TNKS1BP1: variants seen among roughly 807,000 people sequenced by gnomAD.
TNKS1BP1 encodes the protein CCR4-NOT transcription complex subunit 12, also known as 182 kDa tankyrase-1-binding protein.
Under a neutral mutation model 141.1 loss-of-function variants are expected in TNKS1BP1, and 48 were observed. The ratio of observed to expected loss-of-function variants is 0.34; its 90% CI spans 0.27 to 0.43. TNKS1BP1 has a LOEUF of 0.43. TNKS1BP1 is among the 20% of genes least tolerant of loss of function. TNKS1BP1 has a pLI of 1.00. For missense variants in TNKS1BP1, 2,149 were observed against 2,226.0 expected, an observed-to-expected ratio of 0.97 and a Z score of 0.70; for synonymous variants, 875 against 898.2, an observed-to-expected ratio of 0.97 and a Z score of 0.46.
rs149993344 is a variant in TNKS1BP1 at position 57,310,139 on chromosome 11, G to A, written c.2572C>T (p.Arg858Trp). 50 of 1,613,984 alleles carry A rather than the reference G, an allele frequency of 3.1e-5. No individual in the cohort carries two copies. The highest frequency in any genetic ancestry group is 6.7e-5 in the East Asian group (3 of 44,890). Residue 858 changes from arginine to tryptophan, a missense_variant, in exon 6 of 12, where the codon CGG becomes TGG. Arg to Trp is a moderately radical substitution (Grantham distance 101). Transcript: ENST00000358252. ...TCCTGGTCCTGGAGTTCTGCATCCC[G>A]GCTGGAGTAAGTGCCCTGGGAATCC... ...KRDSQGTYSS[R>W]DAELQDQEFG... is the part of the protein sequence containing the mutation.
chr11:57,305,019 C>T (rs941072016), intron 6 of TNKS1BP1, among the ~76,000 whole-genome samples: 3 of 152,156 alleles, frequency 2.0e-5, no homozygotes, highest in Admixed American at 2.0e-4. Context: ...TACGTCCACC[C>T]CGCCGGACTA....
At chr11:57,317,077 A>G (rs1202478325) in intron 4 of TNKS1BP1, among the ~76,000 whole-genome samples, 1 of 152,184 alleles carries the variant, frequency 6.6e-6, no homozygotes, top group Non-Finnish European at 1.5e-5. Flanking sequence ...ACATGCACAC[A>G]GCTCAGCCTC....
At position 57,324,849 on chromosome 11, in the gene TNKS1BP1, C is replaced by G; in HGVS notation, c.-75G>C. 4 of 986,262 alleles carry G rather than the reference C, an allele frequency of 4.1e-6. No individual in the cohort carries two copies. Among genetic ancestry groups the G allele is most frequent in the Non-Finnish European group, 4.8e-6 (4 of 830,406 alleles). The allele number at this position is 986,262 out of a possible 1,614,324, so 61.1% of individuals were successfully genotyped here. ...GCCCCCGCGCACTCACGCGCTCGCC[C>G]GGGGTCCGGCTCCGCTCGGCTCGGG... On this transcript the variant is annotated 5_prime_UTR_variant, in exon 1 of 12. Coordinates refer to ENST00000358252, the MANE Select transcript of TNKS1BP1 (RefSeq NM_033396.3).
rs148343092 is a variant in TNKS1BP1, at chr11:57,302,141, C to A, written c.4767G>T (p.Arg1589=). Residue 1589 remains arginine (R), a synonymous_variant, in exon 8 of 12, where the codon CGG becomes CGT. Transcript: ENST00000358252. This position sits in a 1 kb window ranked among gnomAD's most constrained non-coding sequence, Gnocchi z 5.5. ...CCGACAGGCCCAAGGTACCCCCAGG[C>A]CGAATGACCGGGGCCCGGTGCCCAC... ...RKRGHRAPVI[R]PGGTLGLSEA... 6.8e-5 allele frequency: 110 copies of A among 1,613,812 alleles called. 2 individuals carry two copies. In the African/African-American group the frequency reaches 1.1e-3, roughly 17 times the overall value.
rs1855533610 is a variant in TNKS1BP1, at chr11:57,302,121, A to G, written c.4787T>C (p.Leu1596Pro). The G allele has an allele frequency of 6.2e-7, 1 of 1,613,792 alleles. No homozygotes were observed. The highest frequency in any genetic ancestry group is 8.5e-7 in the Non-Finnish European group (1 of 1,179,966). Residue 1596 changes from leucine (L) to proline (P), a missense_variant, in exon 8 of 12, where the codon CTG becomes CCG. Physicochemically the swap from Leu to Pro is moderately conservative, Grantham distance 98 (BLOSUM62 -3). Transcript: ENST00000358252. This position sits in a 1 kb window ranked among gnomAD's most constrained non-coding sequence, Gnocchi z 5.5. ...TGCATCCGAGTCTGCTGCCTCCGAC[A>G]GGCCCAAGGTACCCCCAGGCCGAAT... ...PVIRPGGTLG[L>P]SEAADSDAHL...
intron 3 of TNKS1BP1, among the ~76,000 whole-genome samples, chr11:57,319,610 C>T (rs1412043451): frequency 2.0e-5 from 3 of 151,642 alleles, no homozygotes; most frequent in Non-Finnish European, 4.4e-5. Context: ...ACTAAAAATA[C>T]AAAAAAATTA....
rs747881819 is a variant in TNKS1BP1 at position 57,302,453 on chromosome 11, A to G, written c.4683+6T>C. The G allele has an allele frequency of 3.6e-5, 57 of 1,586,142 alleles. No individual in the cohort carries two copies. In the Admixed American group the frequency reaches 9.5e-4, roughly 26 times the overall value. On this transcript the variant is annotated splice_donor_region_variant and intron_variant, in intron 7 of 11. Coordinates refer to ENST00000358252, the MANE Select transcript of TNKS1BP1 (RefSeq NM_033396.3). This position sits in a 1 kb window ranked among gnomAD's most constrained non-coding sequence, Gnocchi z 5.5. ...ACCCACTGTCATGGGCTCACCCTCC[A>G]CTGACCTCAATGAAGGAGAAGTCCT... is the stretch of plus-strand genomic sequence containing the variant.
chr11:57,322,233 T>G (rs1590598321), intron 1 of TNKS1BP1: 1 of 1,092,124 alleles, frequency 9.2e-7, no homozygotes, highest in African/African-American at 1.6e-5. Flanking sequence ...GACACCCCAC[T>G]TACAGTCCCC....
chr11:57,308,833 C>G lies in TNKS1BP1; in HGVS notation c.3878G>C (p.Gly1293Ala). The change falls in exon 6 of 12, where the codon GGG (glycine) becomes GCG (alanine). Residue 1293 changes from glycine (G) to alanine (A), a missense_variant. Transcript: ENST00000358252. ...GGACTCTCCAGGACTGCAGACTGCC[C>G]CTGGGGCCATGTTTCTCAGCCCAAG... ...PDLGLRNMAP[G>A]AVCSPGESKE... The G allele has an allele frequency of 6.2e-7, 1 of 1,614,126 alleles. No homozygotes were observed. The highest frequency in any genetic ancestry group is 2.2e-5 in the East Asian group (1 of 44,884).
In TNKS1BP1 at chr11:57,309,896, T is replaced by G. The variant is rs768347578; in HGVS notation, c.2815A>C (p.Thr939Pro). 2.5e-6 allele frequency: 4 copies of G among 1,614,010 alleles called. No homozygotes were observed. Among genetic ancestry groups the G allele is most frequent in the Non-Finnish European group, 3.4e-6 (4 of 1,180,038 alleles). The stretch of plus-strand genomic sequence containing the variant: ...GGCTCCGCAGCCCGGCTGCCATAGG[T>G]GCCGAGTGACACATCTCTCTTCTGA... ...EFQKRDVSLG[T>P]YGSRAAEPQE... Residue 939 changes from threonine (T) to proline (P), a missense_variant, in exon 6 of 12, where the codon ACC (threonine) becomes CCC (proline). Transcript: ENST00000358252. This position sits in a 1 kb window ranked among gnomAD's most constrained non-coding sequence, Gnocchi z 4.3.
intron 10 of TNKS1BP1, 116 bp from the exon 11 acceptor site, chr11:57,300,716 G>T: frequency 6.6e-7 from 1 of 1,509,530 alleles, no homozygotes; most frequent in Non-Finnish European, 9.1e-7. Flanking sequence ...CTGGGGCCTG[G>T]CTGCAGGGAC....
rs114321096 is a variant in TNKS1BP1 at position 57,316,128 on chromosome 11, G to A, written c.798+1690C>T. On this transcript the variant is annotated intron_variant, in intron 4 of 11. Coordinates refer to ENST00000358252, the MANE Select transcript of TNKS1BP1 (RefSeq NM_033396.3). ...TTTACCTTGCCACCTAACTACTCTC[G>A]TCAAGGTCACGGATGACCTCCCTGG... Among the ~76,000 whole-genome samples, 784 of 152,104 alleles carry A rather than the reference G, an allele frequency of 5.2e-3. 12 individuals are homozygous for A. The highest frequency in any genetic ancestry group is 0.019 in the African/African-American group (768 of 41,476).
In TNKS1BP1 at chr11:57,302,966, C is replaced by T. The variant is rs529171947; in HGVS notation, c.4317-141G>A. On this transcript the variant is annotated intron_variant, in intron 6 of 11. Transcript: ENST00000358252. This position sits in a 1 kb window ranked among gnomAD's most constrained non-coding sequence, Gnocchi z 5.5. ...ATGCTTTTTCCAGACTCCAAGGACA[C>T]GGTCAGGGCCTTGAGCAACACAGCA... 4.9e-5 allele frequency: 51 copies of T among 1,050,232 alleles called. 1 individual carries two copies. The Admixed American group carries it at 8.7e-4, about 18-fold the overall frequency. 65.1% of individuals were successfully genotyped at this position (1,050,232 alleles called of 1,614,324 possible). A position where few individuals can be genotyped will look rare whatever the true frequency, so the allele number is the denominator to read the frequency against.
chr11:57,322,018 G>A, intron 1 of TNKS1BP1, 68 bp from the exon 2 acceptor site: 2 of 1,247,814 alleles, frequency 1.6e-6, no homozygotes, highest in South Asian at 1.5e-5. Flanking sequence ...GCAGAGAGAA[G>A]TCTCCTATTT....
In TNKS1BP1 at chr11:57,309,000, A is replaced by G. The variant is rs768412385; in HGVS notation, c.3711T>C (p.Asp1237=). The G allele has an allele frequency of 1.9e-6, 3 of 1,613,986 alleles. No individual in the cohort carries two copies. The South Asian group carries it at 3.3e-5, about 18-fold the overall frequency. Reference sequence around the variant, plus strand: ...CTCCTCCCTCCCCGACCTCAGCCAAATCTTTGCTCTTCACATTAACATCAG... The same window carrying G: ...CTCCTCCCTCCCCGACCTCAGCCAAGTCTTTGCTCTTCACATTAACATCAG... ...WTSDVNVKSK[D]LAEVGEGGGH... The change falls in exon 6 of 12, where the codon GAT becomes GAC. Residue 1237 remains aspartate (D), a synonymous_variant. Transcript: ENST00000358252.
At chr11:57,307,402 C>T (rs1272307836) in intron 6 of TNKS1BP1, among the ~76,000 whole-genome samples, 1 of 152,154 alleles carries the variant, frequency 6.6e-6, no homozygotes, top group Admixed American at 6.5e-5. Flanking sequence ...GGAAGCTCCA[C>T]TTCCTCAAAT....
rs751493113 is a variant in TNKS1BP1, at chr11:57,302,157, C to T, written c.4751G>A (p.Arg1584Gln). ...ACCCCCAGGCCGAATGACCGGGGCC[C>T]GGTGCCCACGCTTGCGCCCCAAGTT... ...RANLGRKRGH[R>Q]APVIRPGGTL... is the part of the protein sequence containing the mutation. The change falls in exon 8 of 12, where the codon CGG becomes CAG. Residue 1584 changes from arginine to glutamine, a missense_variant. Arg to Gln is a conservative substitution (Grantham distance 43, BLOSUM62 1). Transcript: ENST00000358252. The surrounding 1 kb of genome is among the most constrained non-coding windows in gnomAD (Gnocchi z 5.5). The T allele has an allele frequency of 4.3e-6, 7 of 1,613,488 alleles. No homozygotes were observed. The highest frequency in any genetic ancestry group is 5.1e-6 in the Non-Finnish European group (6 of 1,180,006).
chr11:57,314,538 T>C (rs1855769614), intron 4 of TNKS1BP1, among the ~76,000 whole-genome samples: 1 of 152,162 alleles, frequency 6.6e-6, no homozygotes, highest in Non-Finnish European at 1.5e-5. Context: ...AGACACTTGG[T>C]CTCTCTGAGC....
At chr11:57,318,868 G>A (rs1855836220) in intron 3 of TNKS1BP1, among the ~76,000 whole-genome samples, 2 of 152,328 alleles carry the variant, frequency 1.3e-5, no homozygotes, top group African/African-American at 4.8e-5. Context: ...CCTCTCGCAG[G>A]GCGCAGTGGC....
Sources: gnomAD v4.1 joint callset for allele counts (sites outside exome capture counted in the v4.1 genomes callset) on GRCh38, gnomAD v4.1.1 for gene constraint, Gnocchi (gnomAD v3.1) non-coding constraint, MANE v1.5 for transcripts, NCBI Gene and HGNC (gene_info 2026-07-23, HGNC 2026-07-21) for gene names.